Variants in WDR41 observed in about 807,000 individuals in gnomAD.
WDR41 encodes WD repeat-containing protein 41.
Under a neutral mutation model 69.3 loss-of-function variants are expected in WDR41, and 63 were observed. The observed-to-expected ratio is 0.91, with a 90% CI of 0.74 to 1.12. The LOEUF is 1.12. WDR41 is among the 50% of genes most tolerant of loss of function. WDR41 has a pLI of 0.00. For synonymous variants in WDR41, 185 were observed against 192.1 expected (o/e 0.96, Z 0.31); for missense variants, 543 against 534.5 (o/e 1.02, Z -0.16).
At chr5:77,518,769 T>G (rs1802329984) in intron 1 of WDR41, among the ~76,000 whole-genome samples, 1 of 152,132 alleles carries the variant, frequency 6.6e-6, no homozygotes, top group Non-Finnish European at 1.5e-5. Context: ...AAACCAAACT[T>G]TCCCAAAAGA....
chr5:77,614,325 C>T (rs866533321), intron 1 of WDR41, among the ~76,000 whole-genome samples: 13 of 151,106 alleles, frequency 8.6e-5, no homozygotes, highest in Non-Finnish European at 1.3e-4. Context: ...TAAATCATGC[C>T]GCTATAAAGA....
chr5:77,513,839 CA>C (rs1802246905), intron 1 of WDR41, among the ~76,000 whole-genome samples: 1 of 152,072 alleles, frequency 6.6e-6, no homozygotes, highest in South Asian at 2.1e-4. Context: ...AAAAAGAAAA[CA>C]AAACTTTTCT....
chr5:77,554,242 G>A (rs1743350080), intron 1 of WDR41, among the ~76,000 whole-genome samples: 1 of 152,160 alleles, frequency 6.6e-6, no homozygotes, highest in Admixed American at 6.5e-5. Context: ...TAGAAATGGA[G>A]GATCGATTAG....
chr5:77,573,271 A>AT (rs937305193), intron 1 of WDR41, among the ~76,000 whole-genome samples: 37 of 146,890 alleles, frequency 2.5e-4, no homozygotes, highest in Non-Finnish European at 3.0e-4. Context: ...CTCTCTCTTT[A>AT]TTTTTTTTTT....
chr5:77,440,880 T>C lies in WDR41; in HGVS notation c.815A>G (p.Gln272Arg), dbSNP rs1223668447. 4 of 1,614,210 alleles carry C rather than the reference T, an allele frequency of 2.5e-6. No individual in the cohort carries two copies. The highest frequency in any genetic ancestry group is 8.5e-7 in the Non-Finnish European group (1 of 1,180,030). Residue 272 changes from glutamine (Q) to arginine (R), a missense_variant, in exon 9 of 13, where the codon CAA becomes CGA. By Grantham distance (43) the Gln-to-Arg change is conservative. Transcript: ENST00000296679. Reference protein sequence around the residue: ...FWDPSPQLDTQQEIKLCQKSN... With the variant: ...FWDPSPQLDTRQEIKLCQKSN... ...TTTTTGACAGAGTTTTATTTCTTGT[T>C]GGGTGTCCAGTTGTGGAGATGGGTC... is the stretch of plus-strand genomic sequence containing the variant.
intron 2 of WDR41, among the ~76,000 whole-genome samples, chr5:77,480,582 C>A (rs1037619302): frequency 2.0e-5 from 3 of 151,326 alleles, no homozygotes; most frequent in Middle Eastern, 3.2e-3. Context: ...GAACAAAAAA[C>A]CAAACACCAC....
intron 1 of WDR41, chr5:77,582,625 C>T: frequency 1.2e-6 from 2 of 1,601,428 alleles, no homozygotes; most frequent in Non-Finnish European, 1.7e-6. Context: ...CTTCTATGTA[C>T]CTGCAGAACC....
At chr5:77,556,853 G>A (rs1376088380) in intron 1 of WDR41, among the ~76,000 whole-genome samples, 1 of 152,140 alleles carries the variant, frequency 6.6e-6, no homozygotes, top group East Asian at 1.9e-4. Flanking sequence ...AGAGAAAAGG[G>A]TCTTTGATTT....
chr5:77,558,225 ATTG>A (rs1047461251), intron 1 of WDR41, among the ~76,000 whole-genome samples: 2 of 152,116 alleles, frequency 1.3e-5, no homozygotes, highest in African/African-American at 4.8e-5. Flanking sequence ...AAGAAAAATC[ATTG>A]CTCTTGAATT....
intron 1 of WDR41, among the ~76,000 whole-genome samples, chr5:77,615,047 G>T (rs558586102): frequency 6.6e-6 from 1 of 152,322 alleles, no homozygotes; most frequent in South Asian, 2.1e-4. Context: ...GAGGCTGAAA[G>T]TGGGAGCAGG....
chr5:77,526,650 T>G (rs577445937), intron 1 of WDR41, among the ~76,000 whole-genome samples: 3 of 152,142 alleles, frequency 2.0e-5, no homozygotes, highest in African/African-American at 7.2e-5. Flanking sequence ...ACAGATATCC[T>G]TCCTGCTTTT....
chr5:77,520,174 A>C (rs768923697), intron 1 of WDR41, among the ~76,000 whole-genome samples: 1 of 152,158 alleles, frequency 6.6e-6, no homozygotes, highest in Non-Finnish European at 1.5e-5. Flanking sequence ...GGATTGATTA[A>C]ATAAAATTAA....
At chr5:77,613,216 T>C (rs1332250474) in intron 1 of WDR41, among the ~76,000 whole-genome samples, 1 of 152,180 alleles carries the variant, frequency 6.6e-6, no homozygotes, top group Non-Finnish European at 1.5e-5. Flanking sequence ...ATGGCCATAC[T>C]GCCCAAGGTA....
At chr5:77,563,322 C>T (rs1460764429) in intron 1 of WDR41, among the ~76,000 whole-genome samples, 1 of 152,112 alleles carries the variant, frequency 6.6e-6, no homozygotes, top group Admixed American at 6.6e-5. Context: ...GAATCTGCCT[C>T]CCACCAGCAA....
At chr5:77,466,209 A>G (rs1474164114) in intron 2 of WDR41, among the ~76,000 whole-genome samples, 2 of 152,008 alleles carry the variant, frequency 1.3e-5, no homozygotes, top group African/African-American at 2.4e-5. Context: ...TTATTTTAAA[A>G]TGTAACATAT....
chr5:77,542,180 A>C (rs1743099778), intron 1 of WDR41, among the ~76,000 whole-genome samples: 1 of 152,198 alleles, frequency 6.6e-6, no homozygotes, highest in Non-Finnish European at 1.5e-5. Context: ...ACAGAAAACT[A>C]AATACTACAT....
At chr5:77,577,634 T>C (rs1743858315) in intron 1 of WDR41, among the ~76,000 whole-genome samples, 1 of 152,168 alleles carries the variant, frequency 6.6e-6, no homozygotes, top group South Asian at 2.1e-4. Flanking sequence ...ATGTTTACCC[T>C]AGAGAAACTT....
At position 77,491,193 on chromosome 5, in the gene WDR41, C is replaced by T. The variant is rs368337624; in HGVS notation, c.51+977G>A. On this transcript the variant is annotated intron_variant, in intron 1 of 12. Coordinates refer to ENST00000296679, the MANE Select transcript of WDR41 (RefSeq NM_018268.4). Reference sequence around the variant, plus strand: ...TCCTCGCCTTAAGTGATGACATTACCTTGTAAAAGTCCTTTTCCTGGCTCA... The same window carrying T: ...TCCTCGCCTTAAGTGATGACATTACTTTGTAAAAGTCCTTTTCCTGGCTCA... 2.7e-5 allele frequency: 11 copies of T among 409,674 alleles called. No homozygotes were observed. In the East Asian group the frequency reaches 1.0e-3, roughly 38 times the overall value. 25.4% of individuals were successfully genotyped at this position (409,674 alleles called of 1,614,324 possible). A position where few individuals can be genotyped will look rare whatever the true frequency, so the allele number is the denominator to read the frequency against.
At chr5:77,538,846 G>A (rs1051578902) in intron 1 of WDR41, among the ~76,000 whole-genome samples, 3 of 152,086 alleles carry the variant, frequency 2.0e-5, no homozygotes, top group Non-Finnish European at 2.9e-5. Context: ...AAACTAGAGA[G>A]GTTTTTGTTT....
Sources: gnomAD v4.1 joint callset for allele counts (sites outside exome capture counted in the v4.1 genomes callset) on GRCh38, gnomAD v4.1.1 for gene constraint, MANE v1.5 for transcripts, NCBI Gene and HGNC (gene_info 2026-07-23, HGNC 2026-07-21) for gene names.